DSCAM: variants seen among roughly 807,000 people sequenced by gnomAD.
The protein encoded by DSCAM is DS cell adhesion molecule, also known as cell adhesion molecule DSCAM.
DSCAM carries 47 observed loss-of-function variants against 217.7 expected under a neutral mutation model. That is an observed-to-expected ratio of 0.22 (90% CI 0.17 to 0.28). The LOEUF (loss-of-function observed/expected upper bound fraction) is 0.28, where lower values mean the gene tolerates loss of function less well. Among genes scored for constraint, DSCAM ranks in the 10% least tolerant of loss-of-function variants. DSCAM has a pLI of 1.00. For synonymous variants in DSCAM, 1,056 were observed against 1,015.3 expected (o/e 1.04, Z -0.76); for missense variants, 2,080 against 2,618.3 (o/e 0.79, Z 4.49).
chr21:40,611,802 A>G (rs1306204958), intron 3 of DSCAM, among the ~76,000 whole-genome samples: 2 of 151,964 alleles, frequency 1.3e-5, no homozygotes, highest in Admixed American at 6.6e-5. Flanking sequence ...AGCATATACT[A>G]AATCACACAA....
intron 3 of DSCAM, among the ~76,000 whole-genome samples, chr21:40,485,335 C>A (rs972362593): frequency 6.6e-6 from 1 of 151,060 alleles, no homozygotes; most frequent in Admixed American, 6.6e-5. Flanking sequence ...CTCCGCCTCC[C>A]AGGTTCACGC....
intron 3 of DSCAM, among the ~76,000 whole-genome samples, chr21:40,471,803 T>C (rs141945054): frequency 7.7e-4 from 118 of 152,338 alleles, no homozygotes; most frequent in African/African-American, 2.6e-3. Flanking sequence ...TTTATTTTTA[T>C]TTTATTATAC....
intron 3 of DSCAM, among the ~76,000 whole-genome samples, chr21:40,680,744 C>A (rs1353118897): frequency 6.6e-6 from 1 of 152,238 alleles, no homozygotes; most frequent in Non-Finnish European, 1.5e-5. Context: ...TAAATACTCT[C>A]ATTACTTCTC....
In DSCAM at chr21:40,142,394, C is replaced by T. The variant is rs916686517; in HGVS notation, c.3406+164G>A. Among the ~76,000 whole-genome samples, 7 of 152,150 alleles carry T rather than the reference C, an allele frequency of 4.6e-5. 1 individual carries two copies. The highest frequency in any genetic ancestry group is 3.9e-4 in the Admixed American group (6 of 15,274). ...GTGTGTGATGTTTTAAACAAAGAGA[C>T]CTGTTCAAATGTCAGATGAGGGATG... On this transcript the variant is annotated intron_variant, in intron 18 of 32. Transcript: ENST00000400454.
intron 3 of DSCAM, among the ~76,000 whole-genome samples, chr21:40,607,360 G>A (rs34617745): frequency 0.059 from 8,764 of 148,820 alleles, 352 homozygotes; most frequent in South Asian, 0.16. Flanking sequence ...CAAGTTATTT[G>A]GATCCAAATT....
chr21:40,841,358 C>G (rs577197242), intron 1 of DSCAM, among the ~76,000 whole-genome samples: 32 of 152,256 alleles, frequency 2.1e-4, no homozygotes, highest in Middle Eastern at 3.4e-3. Context: ...TCTTCCATTC[C>G]CACTGCCTTA....
chr21:40,729,315 A>G (rs7283308), intron 1 of DSCAM, among the ~76,000 whole-genome samples: 8,828 of 152,218 alleles, frequency 0.058, 252 homozygotes, highest in Middle Eastern at 0.078. Context: ...TGGGCTCAGA[A>G]CCCTTTAAGA....
chr21:40,124,368 A>G (rs1451919658), intron 19 of DSCAM, 40 bp from the exon 20 acceptor site: 1 of 1,610,676 alleles, frequency 6.2e-7, no homozygotes, highest in East Asian at 2.2e-5. Context: ...TGGGGCCTCA[A>G]CTTGGGCTTG....
intron 32 of DSCAM, among the ~76,000 whole-genome samples, chr21:40,028,692 C>G (rs151218731): frequency 5.3e-5 from 8 of 152,324 alleles, no homozygotes; most frequent in Non-Finnish European, 1.0e-4. Flanking sequence ...GAGGCAATGC[C>G]TCGCTCTGCT....
rs73904704 is a variant in DSCAM at position 40,129,085 on chromosome 21, C to T, written c.3563-4757G>A. ...AGTCAGCTTCATTTTTTTTCACCAT[C>T]ATTTTTCTGGTCTTAGTAAACAGCC... On this transcript the variant is annotated intron_variant, in intron 19 of 32. Coordinates refer to ENST00000400454, the MANE Select transcript of DSCAM (RefSeq NM_001389.5). 9.4e-3 allele frequency among the ~76,000 whole-genome samples: 1,425 copies of T among 152,268 alleles called. 22 individuals are homozygous for T. Among genetic ancestry groups the T allele is most frequent in the African/African-American group, 0.033 (1,369 of 41,566 alleles).
At chr21:40,212,003 T>C (rs2146882218) in intron 11 of DSCAM, among the ~76,000 whole-genome samples, 1 of 151,868 alleles carries the variant, frequency 6.6e-6, no homozygotes, top group East Asian at 1.9e-4. Context: ...GGAGTCTTGC[T>C]CTGTTGCCCA....
At chr21:40,156,287 CAGAG>C (rs749781848) in intron 16 of DSCAM, among the ~76,000 whole-genome samples, 7,121 of 75,380 alleles carry the variant, frequency 0.094, 216 homozygotes, top group East Asian at 0.19. Context: ...CAAACTAAGA[CAGAG>C]AGAGAGAGAG....
intron 1 of DSCAM, among the ~76,000 whole-genome samples, chr21:40,783,673 T>C (rs2091567156): frequency 6.6e-6 from 1 of 152,180 alleles, no homozygotes; most frequent in Non-Finnish European, 1.5e-5. Flanking sequence ...TCCCGAGCAA[T>C]GGAGTGGACA....
At position 40,629,086 on chromosome 21, in the gene DSCAM, T is replaced by TGTGTGTGTG. The variant is rs1445688097; in HGVS notation, c.508+63715_508+63723dup. 1.8e-3 allele frequency among the ~76,000 whole-genome samples: 14 copies of TGTGTGTGTG among 7,790 alleles called. 1 individual carries two copies. The highest frequency in any genetic ancestry group is 0.011 in the Admixed American group (5 of 462). 5.1% of individuals were successfully genotyped at this position (7,790 alleles called of 152,430 possible). A position where few individuals can be genotyped will look rare whatever the true frequency, so the allele number is the denominator to read the frequency against. ...AGTATGTGTGTGTGTGGTGTGTGTG[T>TGTGTGTGTG]GTGTGTGTGTGTGTGTGTGTGTGTG... On this transcript the variant is annotated intron_variant, in intron 3 of 32. Coordinates refer to ENST00000400454, the MANE Select transcript of DSCAM (RefSeq NM_001389.5).
chr21:40,700,996 C>A (rs1328769012), intron 2 of DSCAM, among the ~76,000 whole-genome samples: 2 of 152,042 alleles, frequency 1.3e-5, no homozygotes, highest in Admixed American at 6.6e-5. Flanking sequence ...CTTGGTCTCC[C>A]AAAAGTGCTG....
At chr21:40,130,690 C>G (rs2090146071) in intron 19 of DSCAM, among the ~76,000 whole-genome samples, 1 of 152,172 alleles carries the variant, frequency 6.6e-6, no homozygotes, top group South Asian at 2.1e-4. Flanking sequence ...AGAATGTGTC[C>G]ATGGAACTGT....
intron 28 of DSCAM, among the ~76,000 whole-genome samples, chr21:40,059,949 T>G (rs2089089760): frequency 6.6e-6 from 1 of 152,236 alleles, no homozygotes; most frequent in South Asian, 2.1e-4. Context: ...TGGTTGATTC[T>G]AAATTGACCA....
intron 11 of DSCAM, among the ~76,000 whole-genome samples, chr21:40,195,135 G>A (rs1445263634): frequency 6.6e-6 from 1 of 152,112 alleles, no homozygotes; most frequent in Non-Finnish European, 1.5e-5. Flanking sequence ...GTTTTGACAA[G>A]TAATTCAGTG....
At chr21:40,377,630 T>C (rs1248150465) in intron 3 of DSCAM, among the ~76,000 whole-genome samples, 1 of 151,658 alleles carries the variant, frequency 6.6e-6, no homozygotes, top group African/African-American at 2.4e-5. Flanking sequence ...AGACAGGGCG[T>C]TGGAGACCAA....
Sources: allele counts gnomAD v4.1 joint callset (sites outside exome capture counted in the v4.1 genomes callset), GRCh38; gene constraint gnomAD v4.1.1; transcripts MANE v1.5; gene names NCBI Gene and HGNC (gene_info 2026-07-23, HGNC 2026-07-21).